The following MYO3A variants were observed in gnomAD, a reference collection of about 807,000 sequenced individuals.
MYO3A encodes myosin-IIIa.
A neutral mutation model predicts 192.7 loss-of-function variants in MYO3A; 180 were observed. That is an observed-to-expected ratio of 0.93 (90% CI 0.83 to 1.06). The LOEUF (loss-of-function observed/expected upper bound fraction) is 1.06, where lower values mean the gene tolerates loss of function less well. Among genes scored for constraint, MYO3A ranks in the 50% least tolerant of loss-of-function variants. MYO3A has a pLI of 0.00. For synonymous variants in MYO3A, 628 were observed against 645.3 expected (o/e 0.97, Z 0.41); for missense variants, 1,896 against 1,905.0 (o/e 1.00, Z 0.09).
chr10:26,135,437 A>C (rs1235024989), intron 20 of MYO3A, among the ~76,000 whole-genome samples: 1 of 152,102 alleles, frequency 6.6e-6, no homozygotes, highest in Non-Finnish European at 1.5e-5. Context: ...AGTCAGTCTT[A>C]ACATGAAAAG....
chr10:26,143,556 G>A lies in MYO3A; in HGVS notation c.2371G>A (p.Asp791Asn). ...QKPMGLLSLL[D>N]EESRFPKATD... ...GCCAATGGGTTTACTTTCCCTACTTGATGAAGAAAGTAGATTTCCCAAGGC... is the reference window on the plus strand; with the variant it reads ...GCCAATGGGTTTACTTTCCCTACTTAATGAAGAAAGTAGATTTCCCAAGGC... The change falls in exon 21 of 35, where the codon GAT becomes AAT. Residue 791 changes from aspartate to asparagine, a missense_variant. Asp to Asn is a conservative substitution (Grantham distance 23, BLOSUM62 1). Coordinates refer to ENST00000642920, the MANE Select transcript of MYO3A (RefSeq NM_017433.5). 1 of 1,614,036 alleles carries A rather than the reference G, an allele frequency of 6.2e-7. No individual in the cohort carries two copies. Among genetic ancestry groups the A allele is most frequent in the East Asian group, 2.2e-5 (1 of 44,858 alleles).
intron 15 of MYO3A, among the ~76,000 whole-genome samples, chr10:26,091,438 G>A (rs1836694230): frequency 6.6e-6 from 1 of 152,136 alleles, no homozygotes; most frequent in African/African-American, 2.4e-5. Flanking sequence ...ACCTATTGAA[G>A]GCAATGCTAG....
At chr10:26,111,099 C>T (rs1048928295) in intron 17 of MYO3A, among the ~76,000 whole-genome samples, 9 of 152,024 alleles carry the variant, frequency 5.9e-5, no homozygotes, top group African/African-American at 1.9e-4. Context: ...AACTCCTGGC[C>T]TTAAGTGATC....
rs573197909 is a variant in MYO3A at position 26,067,232 on chromosome 10, T to C, written c.1053+158T>C. 2.0e-5 allele frequency among the ~76,000 whole-genome samples: 3 copies of C among 152,374 alleles called. No homozygotes were observed. In the South Asian group the frequency reaches 6.2e-4, roughly 32 times the overall value. Reference sequence around the variant, plus strand: ...CCATGTCTCCCATCTGTAAGTCTCATGCTTTCTTTGTCTCTTAGCTTCCTA... The same window carrying C: ...CCATGTCTCCCATCTGTAAGTCTCACGCTTTCTTTGTCTCTTAGCTTCCTA... On this transcript the variant is annotated intron_variant, in intron 11 of 34. Transcript: ENST00000642920.
At chr10:25,989,792 T>C (rs1839897845) in intron 4 of MYO3A, among the ~76,000 whole-genome samples, 1 of 152,140 alleles carries the variant, frequency 6.6e-6, no homozygotes, top group Non-Finnish European at 1.5e-5. Flanking sequence ...ACCTTCTGAC[T>C]TGGGTTAGAA....
intron 10 of MYO3A, among the ~76,000 whole-genome samples, chr10:26,029,986 C>T (rs1416859): frequency 0.69 from 105,001 of 151,754 alleles, 36,498 homozygotes; most frequent in Middle Eastern, 0.76. Flanking sequence ...ATTGCAGATC[C>T]AGTTGCTGAG....
chr10:26,121,776 G>A (rs1169043680), intron 18 of MYO3A, among the ~76,000 whole-genome samples: 1 of 152,120 alleles, frequency 6.6e-6, no homozygotes, highest in Non-Finnish European at 1.5e-5. Context: ...ACAAAATGGA[G>A]AATCATGATA....
intron 2 of MYO3A, among the ~76,000 whole-genome samples, chr10:25,938,874 G>A (rs1347876542): frequency 1.3e-5 from 2 of 152,088 alleles, no homozygotes; most frequent in Non-Finnish European, 2.9e-5. Context: ...AAACATGCCC[G>A]TGTTCACTTA....
At chr10:26,093,422 T>C (rs1521033) in intron 15 of MYO3A, among the ~76,000 whole-genome samples, 76,905 of 152,062 alleles carry the variant, frequency 0.51, 19,934 homozygotes, top group Middle Eastern at 0.6. Context: ...TAACTTCACT[T>C]GTATGCAATG....
rs140792361 is a variant in MYO3A, at chr10:26,206,388, A to T, written c.4730+3281A>T. ...GGTATCTTTTTTACATACTGATTTC[A>T]TTACCTTTGGATATATGCCCAGAAG... On this transcript the variant is annotated intron_variant, in intron 34 of 34. Transcript: ENST00000642920. Among the ~76,000 whole-genome samples the T allele has an allele frequency of 1.1e-3, 163 of 149,164 alleles. 2 individuals carry two copies. Among genetic ancestry groups the T allele is most frequent in the African/African-American group, 4.0e-3 (161 of 40,516 alleles).
chr10:25,946,325 A>C (rs531076259), intron 2 of MYO3A, among the ~76,000 whole-genome samples: 1 of 152,008 alleles, frequency 6.6e-6, no homozygotes, highest in African/African-American at 2.4e-5. Context: ...ACAAAAATTA[A>C]TTTTTTTTCT....
chr10:26,101,744 T>C (rs1286419542), intron 17 of MYO3A, among the ~76,000 whole-genome samples: 3 of 152,234 alleles, frequency 2.0e-5, no homozygotes, highest in Middle Eastern at 3.2e-3. Flanking sequence ...TTCTGGCTTG[T>C]AGAGTTTCTG....
chr10:26,145,462 C>A lies in MYO3A; in HGVS notation c.2433C>A (p.Asn811Lys). 6.2e-7 allele frequency: 1 copy of A among 1,605,844 alleles called. No homozygotes were observed. Among genetic ancestry groups the A allele is most frequent in the South Asian group, 1.1e-5 (1 of 90,914 alleles). Residue 811 changes from asparagine (N) to lysine (K), a missense_variant, in exon 22 of 35, where the codon AAC becomes AAA. By Grantham distance (94) the Asn-to-Lys change is moderately conservative (BLOSUM62 0). Coordinates refer to ENST00000642920, the MANE Select transcript of MYO3A (RefSeq NM_017433.5). ...TTTCTACAGAAAAATTTGAAGGTAA[C>A]CTGAAATCACAATACTTCTGGAGAC... ...DQTLVEKFEG[N>K]LKSQYFWRPK...
chr10:26,062,641 G>A (rs1305789427), intron 10 of MYO3A, among the ~76,000 whole-genome samples: 2 of 151,642 alleles, frequency 1.3e-5, no homozygotes, highest in Non-Finnish European at 2.9e-5. Flanking sequence ...GTTTCTCCCA[G>A]TCTGTGGCTT....
intron 17 of MYO3A, among the ~76,000 whole-genome samples, chr10:26,114,260 C>G (rs755180851): frequency 4.3e-4 from 66 of 152,174 alleles, no homozygotes; most frequent in Admixed American, 1.0e-3. Flanking sequence ...TCATTGTTCT[C>G]TCTCCCAGTC....
chr10:26,075,724 A>G (rs1359219480), intron 14 of MYO3A, among the ~76,000 whole-genome samples: 1 of 146,236 alleles, frequency 6.8e-6, no homozygotes, highest in Admixed American at 6.9e-5. Flanking sequence ...TCATATATAT[A>G]TGATATATAT....
chr10:26,068,183 T>A (rs1356750121), intron 11 of MYO3A, among the ~76,000 whole-genome samples: 4 of 152,170 alleles, frequency 2.6e-5, no homozygotes, highest in Non-Finnish European at 4.4e-5. Flanking sequence ...TTATTTTTAG[T>A]TTCTTTTTGG....
At chr10:26,115,280 A>G (rs75023259) in intron 17 of MYO3A, among the ~76,000 whole-genome samples, 9,286 of 152,280 alleles carry the variant, frequency 0.061, 366 homozygotes, top group Non-Finnish European at 0.088. Context: ...GAAGAGGATC[A>G]TGGCAGAGGC....
chr10:25,944,698 G>A (rs2130457426), intron 2 of MYO3A, among the ~76,000 whole-genome samples: 1 of 152,092 alleles, frequency 6.6e-6, no homozygotes, highest in African/African-American at 2.4e-5. Context: ...GCATACAAAT[G>A]TTAACAGTAC....
Sources: allele counts gnomAD v4.1 joint callset (sites outside exome capture counted in the v4.1 genomes callset), GRCh38; gene constraint gnomAD v4.1.1; transcripts MANE v1.5; gene names NCBI Gene and HGNC (gene_info 2026-07-23, HGNC 2026-07-21).